NBN: variants seen among roughly 807,000 people sequenced by gnomAD.
NBN encodes the protein nibrin.
A neutral mutation model predicts 90.8 loss-of-function variants in NBN; 88 were observed. The ratio of observed to expected loss-of-function variants is 0.97; its 90% CI spans 0.82 to 1.16. The LOEUF (loss-of-function observed/expected upper bound fraction) is 1.16, where lower values mean the gene tolerates loss of function less well. NBN is among the 50% of genes most tolerant of loss of function. The pLI is 0.00. For synonymous variants in NBN, 328 were observed against 295.1 expected, an observed-to-expected ratio of 1.11 and a Z score of -1.14; for missense variants, 894 against 869.6, an observed-to-expected ratio of 1.03 and a Z score of -0.35.
chr8:89,956,196 A>AG (rs910995905), intron 9 of NBN, among the ~76,000 whole-genome samples: 1 of 122,602 alleles, frequency 8.2e-6, no homozygotes, highest in Non-Finnish European at 1.7e-5. Context: ...CTTATTTTAC[A>AG]GAAAAAAAAA....
At chr8:89,973,043 T>C (rs1289025393) in intron 5 of NBN, among the ~76,000 whole-genome samples, 2 of 152,216 alleles carry the variant, frequency 1.3e-5, no homozygotes, top group African/African-American at 4.8e-5. Context: ...CCTAAACATA[T>C]GTGTATGGTA....
Position 89,984,591 on chromosome 8 carries a change from G to A in NBN, c.-30C>T, listed in dbSNP as rs768874866. 41 of 1,611,646 alleles carry A rather than the reference G, an allele frequency of 2.5e-5. No homozygotes were observed. The South Asian group carries it at 3.9e-4, about 15-fold the overall frequency. Reference sequence around the variant, plus strand: ...CCGGCTCCTCAGGGCTGGGGCCGACGTGCAACCGCGTAACCGGGGCTGCTA... The same window carrying A: ...CCGGCTCCTCAGGGCTGGGGCCGACATGCAACCGCGTAACCGGGGCTGCTA... On this transcript the variant is annotated 5_prime_UTR_variant, in exon 1 of 16. The change creates a new upstream start codon in the 5' untranslated region. Transcript: ENST00000265433.
chr8:89,981,298 A>T, intron 3 of NBN, 77 bp downstream of exon 3: 1 of 1,438,510 alleles, frequency 7.0e-7, no homozygotes, highest in Non-Finnish European at 9.8e-7. Flanking sequence ...AAATTCATTA[A>T]TCAGAAATAT....
chr8:89,964,697 T>G (rs896593633), intron 7 of NBN, among the ~76,000 whole-genome samples, 190 bp from the exon 8 acceptor site: 2 of 152,190 alleles, frequency 1.3e-5, no homozygotes, highest in African/African-American at 4.8e-5. Context: ...TCTACCATCT[T>G]TTAGTAACTC....
intron 9 of NBN, among the ~76,000 whole-genome samples, chr8:89,956,620 A>T (rs1477041574): frequency 6.6e-6 from 1 of 152,232 alleles, no homozygotes; most frequent in Admixed American, 6.5e-5. Flanking sequence ...TGTATTTCAA[A>T]CTTATCTCAC....
chr8:89,939,369 T>C (rs1462459273), intron 14 of NBN, among the ~76,000 whole-genome samples: 1 of 151,878 alleles, frequency 6.6e-6, no homozygotes, highest in Non-Finnish European at 1.5e-5. Flanking sequence ...CTAAAATGAT[T>C]CTAGCAAAAA....
At chr8:89,983,417 G>C (rs972238495) in intron 1 of NBN, among the ~76,000 whole-genome samples, 2 of 147,900 alleles carry the variant, frequency 1.4e-5, no homozygotes, top group African/African-American at 2.5e-5. Context: ...CGGTGACAGA[G>C]TGAGACTCCG....
intron 11 of NBN, among the ~76,000 whole-genome samples, chr8:89,950,005 A>AT (rs2129674562): frequency 6.6e-6 from 1 of 152,338 alleles, no homozygotes; most frequent in East Asian, 1.9e-4. Flanking sequence ...CCTGGTTGTG[A>AT]TACTGTACTG....
At chr8:89,955,144 TGA>T (rs1810636500) in intron 10 of NBN, 137 bp downstream of exon 10, 4 of 781,210 alleles carry the variant, frequency 5.1e-6, no homozygotes, top group Non-Finnish European at 8.3e-6. Context: ...GGGACATTTC[TGA>T]GAGGGAAAGC....
In NBN at chr8:89,982,754, C is replaced by T. The variant is rs876658446; in HGVS notation, c.139G>A (p.Val47Met). The T allele has an allele frequency of 6.2e-7, 1 of 1,614,028 alleles. No individual in the cohort carries two copies. Among genetic ancestry groups the T allele is most frequent in the Non-Finnish European group, 8.5e-7 (1 of 1,179,958 alleles). The stretch of plus-strand genomic sequence containing the variant: ...GTTACAGAAAAGTTAGCAGTTAACA[C>T]AGCATGATTTCGGCTGATCGACTGA... ...NDQSISRNHA[V>M]LTANFSVTNL... The change falls in exon 2 of 16, where the codon GTG (valine) becomes ATG (methionine). Residue 47 changes from valine (V) to methionine (M), a missense_variant. Physicochemically the swap from Val to Met is conservative, Grantham distance 21. Coordinates refer to ENST00000265433, the MANE Select transcript of NBN (RefSeq NM_002485.5).
intron 3 of NBN, 56 bp from the exon 4 acceptor site, chr8:89,980,949 A>G: frequency 6.7e-7 from 1 of 1,493,020 alleles, no homozygotes; most frequent in Non-Finnish European, 9.3e-7. Flanking sequence ...AGAGATGGCA[A>G]TTTTTAGTAC....
chr8:89,945,760 A>T (rs1810156576), intron 13 of NBN, among the ~76,000 whole-genome samples: 1 of 152,152 alleles, frequency 6.6e-6, no homozygotes, highest in Admixed American at 6.5e-5. Context: ...GAATTACTGA[A>T]TATGCTTAGT....
intron 14 of NBN, chr8:89,937,377 C>A: frequency 2.6e-6 from 1 of 381,000 alleles, no homozygotes; most frequent in South Asian, 2.4e-5. Flanking sequence ...AACCCTTTTA[C>A]TAAATGAGAT....
chr8:89,970,064 C>CA (rs1407917337), intron 7 of NBN, among the ~76,000 whole-genome samples: 1 of 152,088 alleles, frequency 6.6e-6, no homozygotes, highest in African/African-American at 2.4e-5. Context: ...GCCTGGCCTA[C>CA]ATGGCAAAAC....
chr8:89,962,159 C>T (rs1202668618), intron 8 of NBN, among the ~76,000 whole-genome samples: 1 of 152,080 alleles, frequency 6.6e-6, no homozygotes, highest in Non-Finnish European at 1.5e-5. Context: ...AAAAATCAAA[C>T]AAAACCAACC....
chr8:89,968,212 TCACAC>T (rs1811340953), intron 7 of NBN, among the ~76,000 whole-genome samples: 1 of 151,902 alleles, frequency 6.6e-6, no homozygotes, highest in Non-Finnish European at 1.5e-5. Flanking sequence ...TGAGCCAAGA[TCACAC>T]CATTGCACTC....
At chr8:89,946,035 A>C in intron 13 of NBN, 105 bp downstream of exon 13, 1 of 838,602 alleles carries the variant, frequency 1.2e-6, no homozygotes, top group East Asian at 2.5e-5. Flanking sequence ...AAGCAGAAGA[A>C]GTATCAGTTT....
Position 89,934,743 on chromosome 8 carries a change from T to C in NBN, c.*839A>G, listed in dbSNP as rs1809585184. ...CTTGAAAATCACTTGTCAATAAAGT[T>C]TGAAAAAAGACATTCATTGTTTCTT... On this transcript the variant is annotated 3_prime_UTR_variant, in exon 16 of 16. Coordinates refer to ENST00000265433, the MANE Select transcript of NBN (RefSeq NM_002485.5). 1 of 233,052 alleles carries C rather than the reference T, an allele frequency of 4.3e-6. No individual in the cohort carries two copies. Among genetic ancestry groups the C allele is most frequent in the Admixed American group, 5.6e-5 (1 of 17,780 alleles). The allele number at this position is 233,052 out of a possible 1,614,324, so 14.4% of individuals were successfully genotyped here. A position where few individuals can be genotyped will look rare whatever the true frequency, so the allele number is the denominator to read the frequency against.
chr8:89,943,389 C>G (rs1810042244), intron 13 of NBN, 23 bp from the exon 14 acceptor site: 2 of 1,595,048 alleles, frequency 1.3e-6, no homozygotes, highest in Non-Finnish European at 1.7e-6. Context: ...AAAAGTAGTA[C>G]AGTAAATCAT....
Sources: allele counts gnomAD v4.1 joint callset (sites outside exome capture counted in the v4.1 genomes callset), GRCh38; gene constraint gnomAD v4.1.1; transcripts MANE v1.5; gene names NCBI Gene and HGNC (gene_info 2026-07-23, HGNC 2026-07-21).